TIAM1: variants seen among roughly 807,000 people sequenced by gnomAD.
TIAM1 encodes rho guanine nucleotide exchange factor TIAM1.
TIAM1 carries 65 observed loss-of-function variants against 163.5 expected under a neutral mutation model. The observed-to-expected ratio is 0.40, with a 90% confidence interval of 0.33 to 0.49. TIAM1 has a LOEUF of 0.49. Ranked by LOEUF, TIAM1 falls within the 20% of genes least tolerant of loss-of-function variation. The pLI is 0.77. For missense variants in TIAM1, 1,789 were observed against 2,044.7 expected, an observed-to-expected ratio of 0.87 and a Z score of 2.41; for synonymous variants, 833 against 810.1, an observed-to-expected ratio of 1.03 and a Z score of -0.48.
intron 2 of TIAM1, among the ~76,000 whole-genome samples, chr21:31,280,517 T>C (rs1052571458): frequency 6.6e-6 from 1 of 152,194 alleles, no homozygotes; most frequent in Non-Finnish European, 1.5e-5. Context: ...ATCAGCAGGA[T>C]GAAAATGGAC....
intron 25 of TIAM1, 23 bp from the exon 26 acceptor site, chr21:31,127,175 G>T: frequency 6.2e-7 from 1 of 1,605,432 alleles, no homozygotes; most frequent in East Asian, 2.2e-5. Context: ...AAACAACAAT[G>T]AATCAGGGTA....
At chr21:31,175,955 T>C (rs2084744863) in intron 15 of TIAM1, among the ~76,000 whole-genome samples, 1 of 152,210 alleles carries the variant, frequency 6.6e-6, no homozygotes, top group Non-Finnish European at 1.5e-5. Context: ...CTTTCCTATA[T>C]TGATGTTCCC....
intron 2 of TIAM1, among the ~76,000 whole-genome samples, chr21:31,311,103 G>A (rs1471468455): frequency 6.6e-6 from 1 of 151,670 alleles, no homozygotes; most frequent in Non-Finnish European, 1.5e-5. Flanking sequence ...CAGAACAAAG[G>A]AGAAGAAATT....
At chr21:31,207,419 A>C (rs576122539) in intron 11 of TIAM1, among the ~76,000 whole-genome samples, 1 of 152,356 alleles carries the variant, frequency 6.6e-6, no homozygotes, top group South Asian at 2.1e-4. Context: ...TAGAGAAAGC[A>C]TCTATCACCA....
intron 1 of TIAM1, among the ~76,000 whole-genome samples, chr21:31,513,708 G>A (rs551886612): frequency 3.4e-4 from 52 of 152,284 alleles, no homozygotes; most frequent in African/African-American, 9.9e-4. Context: ...AGACCTACTT[G>A]TAAAAATAAG....
intron 2 of TIAM1, among the ~76,000 whole-genome samples, chr21:31,331,554 A>G (rs925089888): frequency 2.0e-5 from 3 of 152,218 alleles, no homozygotes; most frequent in Non-Finnish European, 4.4e-5. Context: ...ACTCCTGAGG[A>G]CTGGGAATCT....
At chr21:31,210,811 AAAGG>A in intron 10 of TIAM1, among the ~76,000 whole-genome samples, 2 of 148,240 alleles carry the variant, frequency 1.3e-5, no homozygotes, top group East Asian at 3.9e-4. Flanking sequence ...AGAAAGAAAG[AAAGG>A]TCACCATTCA....
chr21:31,552,500 G>A (rs574018807), intron 1 of TIAM1, among the ~76,000 whole-genome samples: 29 of 152,238 alleles, frequency 1.9e-4, no homozygotes, highest in African/African-American at 5.5e-4. Context: ...TCCGCCAGGC[G>A]CGGTGGCTCA....
intron 2 of TIAM1, among the ~76,000 whole-genome samples, chr21:31,298,095 G>A (rs1288510230): frequency 1.3e-5 from 2 of 152,178 alleles, no homozygotes; most frequent in Admixed American, 1.3e-4. Context: ...TTCTGTGTAA[G>A]TGGCCTGTCC....
chr21:31,364,156 C>T (rs1313192593), intron 2 of TIAM1, among the ~76,000 whole-genome samples: 2 of 152,200 alleles, frequency 1.3e-5, no homozygotes, highest in African/African-American at 4.8e-5. Context: ...TAGCCGATAG[C>T]TTTCTTAAGT....
chr21:31,293,975 T>C (rs371955830), intron 2 of TIAM1, among the ~76,000 whole-genome samples: 1 of 152,154 alleles, frequency 6.6e-6, no homozygotes, highest in Non-Finnish European at 1.5e-5. Flanking sequence ...ACATAAATTA[T>C]GGAGGTCCTG....
At position 31,503,344 on chromosome 21, in the gene TIAM1, G is replaced by A. The variant is rs868464374; in HGVS notation, c.-421-39309C>T. Among the ~76,000 whole-genome samples, 14 of 150,282 alleles carry A rather than the reference G, an allele frequency of 9.3e-5. No homozygotes were observed. The South Asian group carries it at 1.1e-3, about 11-fold the overall frequency. The stretch of plus-strand genomic sequence containing the variant: ...CGGGAGGTGGAGGTTGCAGTGAGCC[G>A]AGATTGTGCCACTGCACTCCAGCCT... On this transcript the variant is annotated intron_variant, in intron 1 of 28. Transcript: ENST00000286827.
intron 3 of TIAM1, among the ~76,000 whole-genome samples, chr21:31,271,658 G>T (rs996453248): frequency 3.9e-5 from 6 of 152,194 alleles, no homozygotes; most frequent in African/African-American, 1.4e-4. Flanking sequence ...TCCTTTTGGA[G>T]CTGCAGTGCA....
intron 2 of TIAM1, among the ~76,000 whole-genome samples, chr21:31,294,675 A>G (rs894983637): frequency 6.6e-6 from 1 of 152,250 alleles, no homozygotes; most frequent in African/African-American, 2.4e-5. Context: ...GGCATCATTA[A>G]TGTAGAGATT....
chr21:31,134,732 A>T lies in TIAM1; in HGVS notation c.3883+1201T>A, dbSNP rs575477121. On this transcript the variant is annotated intron_variant, in intron 23 of 27. Transcript: ENST00000541036. ...CACCATATTAGCCAGGCTAGTCTTG[A>T]ACTCCTGACCTCAAGTGATCCGTCC... Among the ~76,000 whole-genome samples the T allele has an allele frequency of 2.6e-5, 4 of 152,212 alleles. No individual in the cohort carries two copies. In the East Asian group the frequency reaches 7.7e-4, roughly 29 times the overall value.
Position 31,468,551 on chromosome 21 carries a change from C to T in TIAM1, c.-421-4516G>A, listed in dbSNP as rs188504453. 2.1e-4 allele frequency among the ~76,000 whole-genome samples: 32 copies of T among 151,160 alleles called. No individual in the cohort carries two copies. In the East Asian group the frequency reaches 5.7e-3, roughly 27 times the overall value. The stretch of plus-strand genomic sequence containing the variant: ...CAGCACTTTGGGAGACCAAAGCGGG[C>T]GGATCACGAGGTCAGGAGGTGGAGA... On this transcript the variant is annotated intron_variant, in intron 1 of 28. Coordinates refer to the TIAM1 transcript ENST00000286827.
At chr21:31,134,399 TC>T (rs1478022609) in intron 23 of TIAM1, among the ~76,000 whole-genome samples, 2 of 151,552 alleles carry the variant, frequency 1.3e-5, no homozygotes, top group Non-Finnish European at 1.5e-5. Context: ...AAATACTACT[TC>T]CCCCCTCCCC....
chr21:31,513,780 G>T (rs528281888), intron 1 of TIAM1, among the ~76,000 whole-genome samples: 1 of 152,138 alleles, frequency 6.6e-6, no homozygotes, highest in South Asian at 2.1e-4. Context: ...AGCCGAGGCG[G>T]GTGGATCACC....
In TIAM1 at chr21:31,202,905, T is replaced by C; in HGVS notation, c.2493+3A>G. On this transcript the variant is annotated splice_donor_region_variant and intron_variant, in intron 12 of 27. Coordinates refer to ENST00000541036, the MANE Select transcript of TIAM1 (RefSeq NM_001353694.2). ...TGTGCTTGGACAACAGTCATAACATTACCAGCTCATAGATGTCTTCCTCGG... is the reference window on the plus strand; with the variant it reads ...TGTGCTTGGACAACAGTCATAACATCACCAGCTCATAGATGTCTTCCTCGG... 1 of 1,612,748 alleles carries C rather than the reference T, an allele frequency of 6.2e-7. No homozygotes were observed. The highest frequency in any genetic ancestry group is 8.5e-7 in the Non-Finnish European group (1 of 1,178,776).
Sources: gnomAD v4.1 joint callset for allele counts (sites outside exome capture counted in the v4.1 genomes callset) on GRCh38, gnomAD v4.1.1 for gene constraint, MANE v1.5 for transcripts, NCBI Gene and HGNC (gene_info 2026-07-23, HGNC 2026-07-21) for gene names.